SYNE2: variants seen among roughly 807,000 people sequenced by gnomAD.
SYNE2 encodes the protein nesprin-2.
Under a neutral mutation model 856.3 loss-of-function variants are expected in SYNE2, and 431 were observed. The observed-to-expected ratio is 0.50, with a 90% CI of 0.47 to 0.55. The LOEUF (loss-of-function observed/expected upper bound fraction) is 0.55. SYNE2 is among the 20% of genes least tolerant of loss of function. The pLI, the probability that SYNE2 is intolerant of heterozygous loss-of-function variation, is 0.00. For missense variants in SYNE2, 8,129 were observed against 8,023.2 expected, an observed-to-expected ratio of 1.01 and a Z score of -0.50; for synonymous variants, 2,923 against 2,872.3, an observed-to-expected ratio of 1.02 and a Z score of -0.56.
At chr14:64,095,025 A>G (rs1026712796) in intron 61 of SYNE2, 1 of 170,096 alleles carries the variant, frequency 5.9e-6, no homozygotes, top group Non-Finnish European at 1.5e-5. Context: ...TCTCTTTAAT[A>G]TCTGGCTTAA....
At chr14:63,891,435 G>A (rs2095129874) in intron 1 of SYNE2, among the ~76,000 whole-genome samples, 1 of 152,170 alleles carries the variant, frequency 6.6e-6, no homozygotes, top group African/African-American at 2.4e-5. Context: ...TTGTCTTGGA[G>A]ATTAAAGTGC....
intron 99 of SYNE2, chr14:64,202,114 A>C (rs1351178765): frequency 1.4e-6 from 1 of 692,624 alleles, no homozygotes. Context: ...ATGGGAGCTG[A>C]GGCAGACTGG....
rs1254540748 is a variant in SYNE2 at position 63,939,326 on chromosome 14, T to G, written c.80-1288T>G. 2.0e-5 allele frequency among the ~76,000 whole-genome samples: 3 copies of G among 149,810 alleles called. 1 individual carries two copies. Among genetic ancestry groups the G allele is most frequent in the Non-Finnish European group, 4.4e-5 (3 of 67,632 alleles). ...TGAGGGTTCAGGTCTTCCCCTTGAC[T>G]CCTACCTGGATTTTTTTTTTCTTTT... On this transcript the variant is annotated intron_variant, in intron 2 of 115. Coordinates refer to ENST00000555002, the MANE Select transcript of SYNE2 (RefSeq NM_182914.3).
At position 64,030,997 on chromosome 14, in the gene SYNE2, A is replaced by T. The variant is rs747276754; in HGVS notation, c.6880-19A>T. On this transcript the variant is annotated intron_variant, in intron 44 of 115. Transcript: ENST00000555002. ...GTGGCAATTGAATGGAGATATAACA[A>T]TCTTTTCTCCACTCGTAGGAACTAG... 10 of 1,574,342 alleles carry T rather than the reference A, an allele frequency of 6.4e-6. No homozygotes were observed. The highest frequency in any genetic ancestry group is 7.9e-6 in the Non-Finnish European group (9 of 1,144,700).
intron 77 of SYNE2, 140 bp from the exon 78 acceptor site, chr14:64,133,929 C>G: frequency 1.1e-6 from 1 of 929,944 alleles, no homozygotes; most frequent in East Asian, 2.5e-5. Context: ...GGTGGGGTTA[C>G]GTCTCTCGAA....
intron 95 of SYNE2, 43 bp downstream of exon 95, chr14:64,175,181 A>G: frequency 6.2e-7 from 1 of 1,605,146 alleles, no homozygotes; most frequent in Non-Finnish European, 8.5e-7. Flanking sequence ...ATTCAAATTC[A>G]GTACATAGAT....
At chr14:63,799,715 CTT>C (rs551194986) in intron 1 of SYNE2, among the ~76,000 whole-genome samples, 1 of 152,066 alleles carries the variant, frequency 6.6e-6, no homozygotes, top group Non-Finnish European at 1.5e-5. Context: ...ACAAAAAAGA[CTT>C]TTTGTTTTTC....
At chr14:64,026,530 T>G (rs374782464) in intron 41 of SYNE2, 49 bp from the exon 42 acceptor site, 27 of 1,435,722 alleles carry the variant, frequency 1.9e-5, no homozygotes, top group Non-Finnish European at 2.5e-5. Flanking sequence ...GCATGTAGTA[T>G]CTCTAAGTAA....
chr14:64,201,783 A>G (rs1477979378), intron 99 of SYNE2, among the ~76,000 whole-genome samples: 2 of 152,142 alleles, frequency 1.3e-5, no homozygotes, highest in South Asian at 2.1e-4. Context: ...GCTCCCAGCT[A>G]TGGGGTGCAG....
intron 111 of SYNE2, among the ~76,000 whole-genome samples, chr14:64,220,993 G>A (rs1194847606): frequency 1.3e-5 from 2 of 152,184 alleles, no homozygotes; most frequent in Admixed American, 1.3e-4. Flanking sequence ...TAATAGCCAT[G>A]TGACTTTGAG....
chr14:64,144,267 A>C (rs1209429050), intron 83 of SYNE2, among the ~76,000 whole-genome samples: 1 of 152,224 alleles, frequency 6.6e-6, no homozygotes, highest in Non-Finnish European at 1.5e-5. Flanking sequence ...ATGAAAGCAG[A>C]TGTTCAAAAG....
rs1443441736 is a variant in SYNE2 at position 63,887,516 on chromosome 14, G to A, written c.-51-21582G>A. Among the ~76,000 whole-genome samples the A allele has an allele frequency of 2.0e-5, 3 of 152,142 alleles. No homozygotes were observed. In the East Asian group the frequency reaches 5.8e-4, roughly 29 times the overall value. On this transcript the variant is annotated intron_variant, in intron 1 of 115. Transcript: ENST00000555002. Reference sequence around the variant, plus strand: ...TGTGGAAGAGAGAGCCCAGCTGATTGTCCTTCAGGAGGATCCAGAGAGGCA... The same window carrying A: ...TGTGGAAGAGAGAGCCCAGCTGATTATCCTTCAGGAGGATCCAGAGAGGCA...
chr14:63,956,284 A>G (rs2096241067), intron 8 of SYNE2: 2 of 395,378 alleles, frequency 5.1e-6, no homozygotes, highest in Middle Eastern at 8.3e-4. Context: ...TACAATAGAC[A>G]GATAGCCTCA....
chr14:64,119,244 G>T (rs1024977797), intron 66 of SYNE2, among the ~76,000 whole-genome samples, 183 bp from the exon 67 acceptor site: 1 of 152,296 alleles, frequency 6.6e-6, no homozygotes, highest in South Asian at 2.1e-4. Context: ...TGGTTTGGTT[G>T]CATCCCTACT....
At chr14:64,002,444 C>T (rs2096762583) in intron 29 of SYNE2, among the ~76,000 whole-genome samples, 1 of 152,164 alleles carries the variant, frequency 6.6e-6, no homozygotes, top group Non-Finnish European at 1.5e-5. Context: ...GTTCATTTTT[C>T]AGATTATAAA....
At position 64,053,362 on chromosome 14, in the gene SYNE2, A is replaced by T. The variant is rs2097241880; in HGVS notation, c.9449A>T (p.Asp3150Val). ...TTAGAACTCTCACCAAAAGAATTGG[A>T]TGAAAAGAATTGTCAGGACAAACTA... is the stretch of plus-strand genomic sequence containing the variant. ...MVLELSPKEL[D>V]EKNCQDKLET... is the part of the protein sequence containing the mutation. Residue 3150 changes from aspartate (D) to valine (V), a missense_variant, in exon 48 of 116, where the codon GAT (aspartate) becomes GTT (valine). By Grantham distance (152) the Asp-to-Val change is radical (BLOSUM62 -3). Coordinates refer to ENST00000555002, the MANE Select transcript of SYNE2 (RefSeq NM_182914.3). The T allele has an allele frequency of 6.2e-7, 1 of 1,613,524 alleles. No homozygotes were observed. Among genetic ancestry groups the T allele is most frequent in the African/African-American group, 1.3e-5 (1 of 74,922 alleles).
intron 43 of SYNE2, among the ~76,000 whole-genome samples, chr14:64,029,009 G>A (rs576406626): frequency 1.2e-4 from 19 of 152,058 alleles, no homozygotes; most frequent in East Asian, 1.9e-4. Flanking sequence ...GGTGGCACGC[G>A]CCTGTAGTCC....
intron 7 of SYNE2, among the ~76,000 whole-genome samples, chr14:63,951,027 CAA>C (rs1193746152): frequency 6.7e-6 from 1 of 148,662 alleles, no homozygotes; most frequent in Non-Finnish European, 1.5e-5. Flanking sequence ...TTTTTTTAAA[CAA>C]AGAAAAATGT....
intron 1 of SYNE2, among the ~76,000 whole-genome samples, chr14:63,841,832 C>CTTTTTTTTTTTTTT (rs34947861): frequency 1.1e-4 from 13 of 115,046 alleles, no homozygotes; most frequent in Non-Finnish European, 1.7e-4. Flanking sequence ...TTCTTTCTTT[C>CTTTTTTTTTTTTTT]TTTTTTTTTT....
Sources: allele counts gnomAD v4.1 joint callset (sites outside exome capture counted in the v4.1 genomes callset), GRCh38; gene constraint gnomAD v4.1.1; transcripts MANE v1.5; gene names NCBI Gene and HGNC (gene_info 2026-07-23, HGNC 2026-07-21).